The following BCORL1 variants were observed in gnomAD, a reference collection of about 807,000 sequenced individuals.
BCORL1 encodes BCL-6 corepressor-like protein 1.
BCORL1 carries 7 observed loss-of-function variants against 87.6 expected under a neutral mutation model. That is an observed-to-expected ratio of 0.08 (90% CI 0.05 to 0.15). BCORL1 has a LOEUF of 0.15. Ranked by LOEUF, BCORL1 falls within the 10% of genes least tolerant of loss-of-function variation. The probability of loss-of-function intolerance (pLI) is 1.00; values close to 1 mark genes in which losing one functional copy is unlikely to be tolerated. For missense variants in BCORL1, 1,215 were observed against 1,499.7 expected, an observed-to-expected ratio of 0.81 and a Z score of 3.13; for synonymous variants, 591 against 634.4, an observed-to-expected ratio of 0.93 and a Z score of 1.03.
chrX:130,014,067 A>G lies in BCORL1; in HGVS notation c.1295A>G (p.Lys432Arg). Residue 432 changes from lysine to arginine, a missense_variant, in exon 4 of 14, where the codon AAA becomes AGA. Transcript: ENST00000540052. ...GCAGCTCAGGCACCAGCTATGCAAA[A>G]AGTCCCCCTGTCCTTTCAGCCAGGG... ...FPAAQAPAMQ[K>R]VPLSFQPGTV... 1.7e-6 allele frequency: 2 copies of G among 1,208,132 alleles called. No homozygotes were observed. The highest frequency in any genetic ancestry group is 2.2e-6 in the Non-Finnish European group (2 of 893,139).
chrX:130,041,540 G>A (rs1931317927), intron 11 of BCORL1, among the ~76,000 whole-genome samples: 1 of 112,026 alleles, frequency 8.9e-6, no homozygotes, highest in Non-Finnish European at 1.9e-5. Context: ...TGCCATGTTG[G>A]CCAGGCTGGT....
intron 2 of BCORL1, among the ~76,000 whole-genome samples, chrX:130,007,789 C>G (rs769016309): frequency 2.4e-3 from 266 of 111,793 alleles, no homozygotes; most frequent in Non-Finnish European, 3.4e-3. Context: ...CAGAGCAGGA[C>G]TCCGTCTCAA....
chrX:130,052,498 C>T (rs1932131693), intron 13 of BCORL1, among the ~76,000 whole-genome samples: 1 of 112,470 alleles, frequency 8.9e-6, no homozygotes, highest in Admixed American at 9.4e-5. Context: ...CATTGTCAGC[C>T]TAGATGACTG....
chrX:129,982,808 A>G (rs1446083260), intron 1 of BCORL1, 46 bp downstream of exon 1: 1 of 109,334 alleles, frequency 9.1e-6, no homozygotes, highest in Non-Finnish European at 1.9e-5. Context: ...TCGGGGCAGT[A>G]TTAGGCGGGT....
Position 130,050,074 on chromosome X carries a change from A to AT in BCORL1, c.4841-633dup, listed in dbSNP as rs1203731670. Among the ~76,000 whole-genome samples, 22 of 108,525 alleles carry AT rather than the reference A, an allele frequency of 2.0e-4. No homozygotes were observed. In the South Asian group the frequency reaches 2.3e-3, roughly 11 times the overall value. The allele number at this position is 108,525 out of a possible 115,157, so 94.2% of individuals were successfully genotyped here. A position where few individuals can be genotyped will look rare whatever the true frequency, so the allele number is the denominator to read the frequency against. On this transcript the variant is annotated intron_variant, in intron 11 of 13. Coordinates refer to ENST00000540052, the MANE Select transcript of BCORL1 (RefSeq NM_001379451.1). Reference sequence around the variant, plus strand: ...TTTGGACACAATGTTGCCAGATCAGATTTTTTTTTTCACAGAAATATTGGG... The same window carrying AT: ...TTTGGACACAATGTTGCCAGATCAGATTTTTTTTTTTCACAGAAATATTGGG...
chrX:130,020,936 T>G lies in BCORL1; in HGVS notation c.3442-49T>G, dbSNP rs184669042. On this transcript the variant is annotated intron_variant, in intron 4 of 13. Coordinates refer to ENST00000540052, the MANE Select transcript of BCORL1 (RefSeq NM_001379451.1). The stretch of plus-strand genomic sequence containing the variant: ...ACATGGCTCAACCCCTGGAGAGCTT[T>G]CTTAAGAAGCAAAACTGACCTCAGA... 7.2e-6 allele frequency: 8 copies of G among 1,110,909 alleles called. No individual in the cohort carries two copies. In the Admixed American group the frequency reaches 2.6e-4, roughly 36 times the overall value. The allele number at this position is 1,110,909 out of a possible 1,213,427, so 91.6% of individuals were successfully genotyped here. A position where few individuals can be genotyped will look rare whatever the true frequency, so the allele number is the denominator to read the frequency against.
At chrX:129,984,374 A>G (rs1392016460) in intron 1 of BCORL1, among the ~76,000 whole-genome samples, 1 of 106,579 alleles carries the variant, frequency 9.4e-6, no homozygotes, top group African/African-American at 3.4e-5. Flanking sequence ...GGGGGGCGGT[A>G]CGAGCCGGGA....
intron 10 of BCORL1, among the ~76,000 whole-genome samples, chrX:130,037,772 T>G (rs1166018210): frequency 9.0e-6 from 1 of 111,330 alleles, no homozygotes; most frequent in Non-Finnish European, 1.9e-5. Flanking sequence ...GTGCCTGTAG[T>G]CCCAGCTACT....
At chrX:130,005,362 G>A (rs1480298642) in intron 2 of BCORL1, 45 bp downstream of exon 2, 1 of 1,103,061 alleles carries the variant, frequency 9.1e-7, no homozygotes, top group Non-Finnish European at 1.3e-6. Context: ...CCAGTGAGCA[G>A]TACCTCGTCA....
At chrX:130,012,301 C>T (rs1206015520) in intron 2 of BCORL1, among the ~76,000 whole-genome samples, 3 of 111,437 alleles carry the variant, frequency 2.7e-5, no homozygotes, top group Admixed American at 9.5e-5. Context: ...AGGGTGTCCA[C>T]ACTCCTGGCA....
chrX:130,050,053 G>T (rs772863295), intron 11 of BCORL1, among the ~76,000 whole-genome samples: 2 of 111,481 alleles, frequency 1.8e-5, no homozygotes, highest in Non-Finnish European at 3.8e-5. Flanking sequence ...CAGGAATTTG[G>T]ACACAATGTT....
intron 9 of BCORL1, among the ~76,000 whole-genome samples, chrX:130,036,407 C>T (rs763105423): frequency 2.7e-5 from 3 of 111,315 alleles, no homozygotes; most frequent in African/African-American, 6.5e-5. Context: ...ATTACAGGCA[C>T]CTGCCATCAC....
chrX:130,043,774 ATATATATATATTTTTTT>A (rs1356199241), intron 11 of BCORL1, among the ~76,000 whole-genome samples: 2 of 20,158 alleles, frequency 9.9e-5, no homozygotes, highest in Non-Finnish European at 1.5e-4. Flanking sequence ...ATATATATAT[ATATATATATATTTTTTT>A]TTTTTTTTTT....
intron 4 of BCORL1, among the ~76,000 whole-genome samples, chrX:130,020,626 G>A (rs1380374017): frequency 8.9e-6 from 1 of 112,509 alleles, no homozygotes; most frequent in African/African-American, 3.2e-5. Context: ...TTGCAGAAGA[G>A]GCATTTTGTT....
intron 8 of BCORL1, among the ~76,000 whole-genome samples, chrX:130,031,220 A>G (rs1332882823): frequency 2.7e-5 from 3 of 112,780 alleles, no homozygotes; most frequent in Admixed American, 9.3e-5. Context: ...CAGTCCTGCC[A>G]TTGTACATTC....
chrX:129,995,744 C>T (rs1383097089), intron 1 of BCORL1, among the ~76,000 whole-genome samples: 1 of 111,785 alleles, frequency 8.9e-6, no homozygotes, highest in Non-Finnish European at 1.9e-5. Flanking sequence ...CCGGCCAGAA[C>T]GGTTTAAATT....
intron 9 of BCORL1, among the ~76,000 whole-genome samples, chrX:130,035,576 C>G (rs1930887828): frequency 8.9e-6 from 1 of 112,265 alleles, no homozygotes; most frequent in African/African-American, 3.2e-5. Context: ...CAGCCACACT[C>G]CCAGCCAGAC....
chrX:130,039,343 G>A, intron 11 of BCORL1, 61 bp downstream of exon 11: 1 of 1,165,929 alleles, frequency 8.6e-7, no homozygotes, highest in Non-Finnish European at 1.2e-6. Context: ...TCCTGAACTT[G>A]TGAGGACATC....
In BCORL1 at chrX:130,036,633, G is replaced by A. The variant is rs778505273; in HGVS notation, c.4528-734G>A. ...GCTTGAACATTGGTCCTGCCGAGACGTGCATCCAGGGATAGTCCTTAAAAC... is the reference window on the plus strand; with the variant it reads ...GCTTGAACATTGGTCCTGCCGAGACATGCATCCAGGGATAGTCCTTAAAAC... On this transcript the variant is annotated intron_variant, in intron 9 of 13. Transcript: ENST00000540052. Among the ~76,000 whole-genome samples the A allele has an allele frequency of 2.8e-4, 31 of 112,559 alleles. No individual in the cohort carries two copies. In the South Asian group the frequency reaches 9.8e-3, roughly 36 times the overall value.
Sources: gnomAD v4.1 joint callset for allele counts (sites outside exome capture counted in the v4.1 genomes callset) on GRCh38, gnomAD v4.1.1 for gene constraint, MANE v1.5 for transcripts, NCBI Gene and HGNC (gene_info 2026-07-23, HGNC 2026-07-21) for gene names.